The following NIN variants were observed in gnomAD, a reference collection of about 807,000 sequenced individuals.
NIN encodes the protein ninein, also known as glycogen synthase kinase 3 beta-interacting protein.
A neutral mutation model predicts 257.6 loss-of-function variants in NIN; 137 were observed. The ratio of observed to expected loss-of-function variants is 0.53; its 90% CI spans 0.46 to 0.61. NIN has a LOEUF of 0.61. Ranked by LOEUF, NIN falls within the 20% of genes least tolerant of loss-of-function variation. The pLI, the probability that NIN is intolerant of heterozygous loss-of-function variation, is 0.00. For missense variants in NIN, 2,439 were observed against 2,501.2 expected (o/e 0.98, Z 0.53); for synonymous variants, 918 against 919.8 (o/e 1.00, Z 0.04).
rs1188350833 is a variant in NIN at position 50,723,575 on chromosome 14, TTC to T, written c.6288_6289del (p.Lys2097AsnfsTer18). On this transcript the variant is annotated frameshift_variant, in exon 31 of 31. Coordinates refer to ENST00000530997, the MANE Select transcript of NIN (RefSeq NM_020921.4). LOFTEE classifies it high-confidence loss of function. ...GAGGTAATTTTTCTTCTCTGCTGTT[TTC>T]TGTCGCTGTTCAGTCACTTCCAGAG... The T allele has an allele frequency of 1.9e-6, 3 of 1,613,856 alleles. No homozygotes were observed. The highest frequency in any genetic ancestry group is 1.7e-5 in the Admixed American group (1 of 59,992).
chr14:50,739,499 T>C lies in NIN; in HGVS notation c.5449-12A>G, dbSNP rs1045759268. The C allele has an allele frequency of 1.8e-5, 29 of 1,613,706 alleles. No individual in the cohort carries two copies. The highest frequency in any genetic ancestry group is 2.5e-5 in the Non-Finnish European group (29 of 1,179,872). Reference sequence around the variant, plus strand: ...TCTGGGGCCCAGCTCTTAAGAGAATTGCAGAGTGTAAGCCTTAAAAACAAG... The same window carrying C: ...TCTGGGGCCCAGCTCTTAAGAGAATCGCAGAGTGTAAGCCTTAAAAACAAG... On this transcript the variant is annotated splice_polypyrimidine_tract_variant and intron_variant, in intron 25 of 30. Transcript: ENST00000530997.
intron 3 of NIN, 55 bp downstream of exon 3, chr14:50,821,819 C>A (rs1233997508): frequency 6.8e-7 from 1 of 1,460,504 alleles, no homozygotes; most frequent in Non-Finnish European, 9.5e-7. Flanking sequence ...ACCCCCAGCA[C>A]CCCGGCAGAA....
chr14:50,794,513 A>G, intron 4 of NIN: 1 of 993,162 alleles, frequency 1.0e-6, no homozygotes, highest in Non-Finnish European at 1.2e-6. Flanking sequence ...TTGGCAGCTG[A>G]CACCCACAGA....
At chr14:50,786,579 T>C (rs1045347012) in intron 5 of NIN, among the ~76,000 whole-genome samples, 4 of 151,862 alleles carry the variant, frequency 2.6e-5, no homozygotes, top group Non-Finnish European at 5.9e-5. Flanking sequence ...TCTCTGGGAA[T>C]AGCCGGATGA....
At chr14:50,773,906 A>G (rs1380018524) in intron 7 of NIN, among the ~76,000 whole-genome samples, 2 of 152,176 alleles carry the variant, frequency 1.3e-5, no homozygotes, top group East Asian at 3.8e-4. Flanking sequence ...AGGTGAATAG[A>G]GCAACGTGGA....
intron 3 of NIN, among the ~76,000 whole-genome samples, chr14:50,811,766 G>A (rs1333424808): frequency 1.3e-5 from 2 of 151,736 alleles, no homozygotes; most frequent in East Asian, 1.9e-4. Flanking sequence ...AGGCTGAGGT[G>A]GGCGGATCAC....
intron 27 of NIN, 100 bp downstream of exon 27, chr14:50,738,040 A>G: frequency 1.7e-6 from 2 of 1,201,282 alleles, no homozygotes; most frequent in Non-Finnish European, 2.4e-6. Context: ...AAAATATGCC[A>G]TCGTAATCAT....
rs78280523 is a variant in NIN, at chr14:50,757,833, A to T, written c.3197T>A (p.Val1066Asp). Residue 1066 changes from valine (V) to aspartate (D), a missense_variant, in exon 18 of 31, where the codon GTC becomes GAC. Transcript: ENST00000530997. The stretch of plus-strand genomic sequence containing the variant: ...ATGAGCTCTCTGCAGGCTTAAGAGG[A>T]CGTCCCCATTTTCTTCCAACAGCTG... ...GEQLLEENGDVLLSLQRAHEQ... is the reference protein window; with the variant it reads ...GEQLLEENGDDLLSLQRAHEQ... 4.1e-3 allele frequency: 6,662 copies of T among 1,614,046 alleles called. 17 individuals carry two copies. The highest frequency in any genetic ancestry group is 5.0e-3 in the Non-Finnish European group (5,934 of 1,180,010).
chr14:50,736,654 CT>C (rs2040995762), intron 27 of NIN, among the ~76,000 whole-genome samples: 1 of 152,174 alleles, frequency 6.6e-6, no homozygotes, highest in African/African-American at 2.4e-5. Context: ...ACAGACTTTT[CT>C]CCCCCTAATG....
In NIN at chr14:50,777,020, C is replaced by A. The variant is rs1461832395; in HGVS notation, c.595G>T (p.Asp199Tyr). ...AGCTTCTTCCGGTTCAGGTGACCAT[C>A]ACGGGTGATCCCCAAATCTTCACAA... The part of the protein sequence containing the change: ...EVCEDLGITR[D>Y]GHLNRKKLVS... Residue 199 changes from aspartate (D) to tyrosine (Y), a missense_variant, in exon 7 of 31, where the codon GAT (aspartate) becomes TAT (tyrosine). By Grantham distance (160) the Asp-to-Tyr change is radical (BLOSUM62 -3). Coordinates refer to ENST00000530997, the MANE Select transcript of NIN (RefSeq NM_020921.4). The A allele has an allele frequency of 6.2e-7, 1 of 1,614,240 alleles. No homozygotes were observed. The highest frequency in any genetic ancestry group is 8.5e-7 in the Non-Finnish European group (1 of 1,180,042).
At chr14:50,802,225 C>T (rs1595898109) in intron 4 of NIN, among the ~76,000 whole-genome samples, 1 of 152,302 alleles carries the variant, frequency 6.6e-6, no homozygotes, top group Non-Finnish European at 1.5e-5. Flanking sequence ...AAAAGACTTC[C>T]TACATCCCAA....
At chr14:50,817,979 G>A (rs1362127171) in intron 3 of NIN, among the ~76,000 whole-genome samples, 4 of 149,492 alleles carry the variant, frequency 2.7e-5, no homozygotes, top group Non-Finnish European at 5.9e-5. Context: ...GCCTCCCAAA[G>A]TGCTAGGATT....
rs570492003 is a variant in NIN, at chr14:50,723,153, C to A, written c.*310G>T. On this transcript the variant is annotated 3_prime_UTR_variant, in exon 31 of 31. Coordinates refer to ENST00000530997, the MANE Select transcript of NIN (RefSeq NM_020921.4). ...AGATTTGTAATAATTAAAAAAAAAA[C>A]CAAAACCACAAAAACTCATTCAAAA... 13 of 256,696 alleles carry A rather than the reference C, an allele frequency of 5.1e-5. No homozygotes were observed. Among genetic ancestry groups the A allele is most frequent in the East Asian group, 5.0e-4 (8 of 15,890 alleles). The allele number at this position is 256,696 out of a possible 1,614,324, so 15.9% of individuals were successfully genotyped here. A position where few individuals can be genotyped will look rare whatever the true frequency, so the allele number is the denominator to read the frequency against.
At chr14:50,785,782 G>A (rs1447668403) in intron 5 of NIN, among the ~76,000 whole-genome samples, 1 of 152,188 alleles carries the variant, frequency 6.6e-6, no homozygotes, top group Admixed American at 6.5e-5. Flanking sequence ...GAGTGCGCCC[G>A]GCAGGGCTGG....
At position 50,720,141 on chromosome 14, in the gene NIN, A is replaced by G. The variant is rs2040243581; in HGVS notation, c.*3322T>C. On this transcript the variant is annotated 3_prime_UTR_variant, in exon 31 of 31. Coordinates refer to ENST00000530997, the MANE Select transcript of NIN (RefSeq NM_020921.4). The stretch of plus-strand genomic sequence containing the variant: ...ACTATTTTACAGTGCTGAGAGGTCC[A>G]GATAGGTCCAAACATGATGATTTTT... The G allele has an allele frequency of 4.5e-6, 1 of 222,308 alleles. No individual in the cohort carries two copies. Among genetic ancestry groups the G allele is most frequent in the Non-Finnish European group, 9.0e-6 (1 of 111,282 alleles). The allele number at this position is 222,308 out of a possible 1,614,324, so 13.8% of individuals were successfully genotyped here. A position where few individuals can be genotyped will look rare whatever the true frequency, so the allele number is the denominator to read the frequency against.
rs115735623 is a variant in NIN at position 50,730,708 on chromosome 14, T to C, written c.5878-985A>G. ...AAAATTATGGAGAATTATCCCATAA[T>C]TTTATATCAGTGGGATAATTTTCTT... On this transcript the variant is annotated intron_variant, in intron 28 of 30. Coordinates refer to ENST00000530997, the MANE Select transcript of NIN (RefSeq NM_020921.4). Among the ~76,000 whole-genome samples, 1,219 of 152,342 alleles carry C rather than the reference T, an allele frequency of 8.0e-3. 18 individuals carry two copies. Among genetic ancestry groups the C allele is most frequent in the African/African-American group, 0.027 (1,132 of 41,574 alleles).
intron 4 of NIN, among the ~76,000 whole-genome samples, chr14:50,803,374 C>G (rs1349301517): frequency 6.6e-6 from 1 of 152,032 alleles, no homozygotes; most frequent in Admixed American, 6.6e-5. Flanking sequence ...AACAAAAACA[C>G]AGACCTGGCC....
chr14:50,801,149 G>T (rs2044086210), intron 4 of NIN, among the ~76,000 whole-genome samples: 1 of 147,808 alleles, frequency 6.8e-6, no homozygotes, highest in African/African-American at 2.5e-5. Context: ...GGTGTGCAGT[G>T]GTGCGATCTC....
intron 5 of NIN, among the ~76,000 whole-genome samples, chr14:50,779,644 G>C (rs1001082937): frequency 4.6e-5 from 7 of 152,108 alleles, no homozygotes; most frequent in African/African-American, 1.4e-4. Context: ...TGTAGTCCCA[G>C]CTACTCGGGA....
Sources: allele counts gnomAD v4.1 joint callset (sites outside exome capture counted in the v4.1 genomes callset), GRCh38; gene constraint gnomAD v4.1.1; transcripts MANE v1.5; gene names NCBI Gene and HGNC (gene_info 2026-07-23, HGNC 2026-07-21).